SLC12A3: variants seen among roughly 807,000 people sequenced by gnomAD.
The protein encoded by SLC12A3 is solute carrier family 12 member 3.
A neutral mutation model predicts 121.0 loss-of-function variants in SLC12A3; 104 were observed. The observed-to-expected ratio is 0.86, with a 90% CI of 0.73 to 1.01. The LOEUF (loss-of-function observed/expected upper bound fraction) is 1.01. Ranked by LOEUF, SLC12A3 falls within the 50% of genes least tolerant of loss-of-function variation. SLC12A3 has a pLI of 0.00. For missense variants in SLC12A3, 1,328 were observed against 1,356.3 expected (o/e 0.98, Z 0.33); for synonymous variants, 536 against 533.4 (o/e 1.00, Z -0.07).
At chr16:56,898,608 C>G (rs1172990607) in intron 22 of SLC12A3, among the ~76,000 whole-genome samples, 1 of 152,076 alleles carries the variant, frequency 6.6e-6, no homozygotes, top group African/African-American at 2.4e-5. Flanking sequence ...AGACCCTCCC[C>G]TGCCCCACCC....
At chr16:56,877,971 C>A in intron 8 of SLC12A3, 106 bp from the exon 9 acceptor site, 1 of 704,132 alleles carries the variant, frequency 1.4e-6, no homozygotes, top group Non-Finnish European at 2.4e-6. Context: ...CAGCCTTAGA[C>A]AAGGAGGACA....
chr16:56,912,460 C>A (rs1337660558), intron 25 of SLC12A3, among the ~76,000 whole-genome samples: 1 of 152,204 alleles, frequency 6.6e-6, no homozygotes. Flanking sequence ...CTGCACAGGG[C>A]AGGAGGCAGG....
chr16:56,872,640 G>C lies in SLC12A3; in HGVS notation c.965-16G>C, dbSNP rs1377778347. The C allele has an allele frequency of 6.2e-7, 1 of 1,614,116 alleles. No homozygotes were observed. Among genetic ancestry groups the C allele is most frequent in the Non-Finnish European group, 8.5e-7 (1 of 1,180,060 alleles). ...CCCTCCAGGTGAGCCTTACTCATCAGGCCTTGCTTTTCCAGCGGACATTTT... is the reference window on the plus strand; with the variant it reads ...CCCTCCAGGTGAGCCTTACTCATCACGCCTTGCTTTTCCAGCGGACATTTT... On this transcript the variant is annotated splice_polypyrimidine_tract_variant and intron_variant, in intron 7 of 25. Transcript: ENST00000563236.
intron 25 of SLC12A3, among the ~76,000 whole-genome samples, chr16:56,909,715 CA>C (rs1169777596): frequency 6.6e-6 from 1 of 152,020 alleles, no homozygotes; most frequent in Non-Finnish European, 1.5e-5. Flanking sequence ...TCAGAACCAC[CA>C]GGGGACTGTG....
chr16:56,891,957 G>A (rs1227161981), intron 19 of SLC12A3, 126 bp from the exon 20 acceptor site: 11 of 771,578 alleles, frequency 1.4e-5, no homozygotes, highest in Non-Finnish European at 2.6e-5. Flanking sequence ...AGGTGCAGTG[G>A]GGCTGTGGAG....
intron 15 of SLC12A3, among the ~76,000 whole-genome samples, chr16:56,885,969 T>C (rs1477638270): frequency 3.9e-5 from 6 of 152,324 alleles, no homozygotes; most frequent in Admixed American, 3.9e-4. Flanking sequence ...ACTCAGGTCA[T>C]GGCCCTTGAC....
At chr16:56,912,922 G>A (rs2055705118) in intron 25 of SLC12A3, among the ~76,000 whole-genome samples, 1 of 152,192 alleles carries the variant, frequency 6.6e-6, no homozygotes, top group African/African-American at 2.4e-5. Flanking sequence ...AAGTGCAAAG[G>A]TTGGAGGCAG....
In SLC12A3 at chr16:56,904,650, C is replaced by G. The variant is rs971419808; in HGVS notation, c.2924+188C>G. On this transcript the variant is annotated intron_variant, in intron 25 of 25. Coordinates refer to ENST00000563236, the MANE Select transcript of SLC12A3 (RefSeq NM_001126108.2). The stretch of plus-strand genomic sequence containing the variant: ...GGCTGGGCCTGAGCCCGCCCCACAC[C>G]TGAGCTCCAGCTGGCAGGGGTCGAG... 7.4e-5 allele frequency: 45 copies of G among 611,094 alleles called. No individual in the cohort carries two copies. The African/African-American group carries it at 8.1e-4, about 11-fold the overall frequency. 37.9% of individuals were successfully genotyped at this position (611,094 alleles called of 1,614,324 possible).
intron 9 of SLC12A3, 109 bp downstream of exon 9, chr16:56,878,270 T>C: frequency 1.2e-6 from 1 of 837,868 alleles, no homozygotes. Flanking sequence ...TTCGACTCTC[T>C]AACAACAGGG....
intron 25 of SLC12A3, among the ~76,000 whole-genome samples, chr16:56,908,514 AC>A (rs2144782209): frequency 6.6e-6 from 1 of 152,250 alleles, no homozygotes; most frequent in South Asian, 2.1e-4. Flanking sequence ...TTCTTGTGTG[AC>A]TTAAGGCATT....
chr16:56,894,711 TC>T (rs1192366378), intron 22 of SLC12A3, 69 bp downstream of exon 22: 3 of 1,190,810 alleles, frequency 2.5e-6, no homozygotes, highest in Non-Finnish European at 2.5e-6. Context: ...CCCAAGGCTG[TC>T]CCCTACCCTA....
rs2055208218 is a variant in SLC12A3 at position 56,879,487 on chromosome 16, G to A, written c.1336-55G>A. ...CAGTAGGGAATGAAGTGCCACAGAT[G>A]GGGGCTCCTGGCTCAGCCCCCACCG... On this transcript the variant is annotated intron_variant, in intron 10 of 25. Transcript: ENST00000563236. The A allele has an allele frequency of 9.1e-6, 13 of 1,432,274 alleles. No individual in the cohort carries two copies. The South Asian group carries it at 1.5e-4, about 16-fold the overall frequency. 88.7% of individuals were successfully genotyped at this position (1,432,274 alleles called of 1,614,324 possible). A position where few individuals can be genotyped will look rare whatever the true frequency, so the allele number is the denominator to read the frequency against.
Position 56,888,749 on chromosome 16 carries a change from G to A in SLC12A3, c.2285+718G>A, listed in dbSNP as rs901929499. 4.0e-5 allele frequency among the ~76,000 whole-genome samples: 6 copies of A among 151,778 alleles called. No individual in the cohort carries two copies. The East Asian group carries it at 5.8e-4, about 15-fold the overall frequency. ...AATTTTTTGTATTTTTAGTAGAGAC[G>A]GGGTTTCACCGTGTTAGCCAGGATG... is the stretch of plus-strand genomic sequence containing the variant. On this transcript the variant is annotated intron_variant, in intron 18 of 25. Transcript: ENST00000563236.
chr16:56,868,004 A>C (rs1319692784), intron 2 of SLC12A3, among the ~76,000 whole-genome samples: 1 of 152,092 alleles, frequency 6.6e-6, no homozygotes, highest in Admixed American at 6.5e-5. Context: ...GCTGGCAGAC[A>C]CAGGATCCTG....
At chr16:56,865,869 G>A (rs1964341679) in intron 1 of SLC12A3, among the ~76,000 whole-genome samples, 1 of 152,228 alleles carries the variant, frequency 6.6e-6, no homozygotes. Flanking sequence ...TGCTGCCCGG[G>A]AGGCTGGACT....
rs1476198919 is a variant in SLC12A3, at chr16:56,865,408, A to T, written c.173A>T (p.Tyr58Phe). ...SSTFCMRTFG[Y>F]NTIDVVPTYE... ...ACCTTCTGCATGCGCACCTTTGGCT[A>T]CAACACGATCGATGTGGTGCCCACA... Residue 58 changes from tyrosine (Y) to phenylalanine (F), a missense_variant, in exon 1 of 26, where the codon TAC becomes TTC. Coordinates refer to ENST00000563236, the MANE Select transcript of SLC12A3 (RefSeq NM_001126108.2). The T allele has an allele frequency of 6.2e-7, 1 of 1,614,228 alleles. No individual in the cohort carries two copies.
Position 56,887,063 on chromosome 16 carries a change from C to A in SLC12A3, c.2148C>A (p.Asp716Glu), listed in dbSNP as rs754993017. The A allele has an allele frequency of 6.2e-7, 1 of 1,614,038 alleles. No individual in the cohort carries two copies. Among genetic ancestry groups the A allele is most frequent in the East Asian group, 2.2e-5 (1 of 44,882 alleles). Residue 716 changes from aspartate (D) to glutamate (E), a missense_variant, in exon 17 of 26, where the codon GAC (aspartate) becomes GAA (glutamate). Physicochemically the swap from Asp to Glu is conservative, Grantham distance 45. Transcript: ENST00000563236. ...KAFYSDVIAE[D>E]LRRGVQILMQ... ...TCTACTCGGATGTCATTGCCGAGGA[C>A]CTCCGCAGAGGCGTCCAGATCCTCA...
At chr16:56,879,825 G>A (rs55980827) in intron 11 of SLC12A3, among the ~76,000 whole-genome samples, 176 bp downstream of exon 11, 219 of 152,142 alleles carry the variant, frequency 1.4e-3, no homozygotes, top group Non-Finnish European at 2.4e-3. Flanking sequence ...AGCCCCCTCC[G>A]ACTTGACAAA....
chr16:56,878,191 G>T, intron 9 of SLC12A3, 30 bp downstream of exon 9: 1 of 1,542,308 alleles, frequency 6.5e-7, no homozygotes, highest in South Asian at 1.1e-5. Flanking sequence ...AGTCAGGAGG[G>T]GGAGGGACCT....
Sources: allele counts gnomAD v4.1 joint callset (sites outside exome capture counted in the v4.1 genomes callset), GRCh38; gene constraint gnomAD v4.1.1; transcripts MANE v1.5; gene names NCBI Gene and HGNC (gene_info 2026-07-23, HGNC 2026-07-21).